The following PLD1 variants were observed in gnomAD, a reference collection of about 807,000 sequenced individuals.
PLD1 encodes phospholipase D1.
A neutral mutation model predicts 137.1 loss-of-function variants in PLD1; 112 were observed. That is an observed-to-expected ratio of 0.82 (90% CI 0.70 to 0.96). The LOEUF is 0.96. Among genes scored for constraint, PLD1 ranks in the 40% least tolerant of loss-of-function variants. The pLI, the probability that PLD1 is intolerant of heterozygous loss-of-function variation, is 0.00. For synonymous variants in PLD1, 431 were observed against 454.7 expected, an observed-to-expected ratio of 0.95 and a Z score of 0.66; for missense variants, 1,321 against 1,342.0, an observed-to-expected ratio of 0.98 and a Z score of 0.24.
chr3:171,670,053 G>A (rs930623709), intron 19 of PLD1, among the ~76,000 whole-genome samples: 3 of 152,198 alleles, frequency 2.0e-5, no homozygotes, highest in African/African-American at 7.2e-5. Flanking sequence ...TCACTCATAT[G>A]TGGAAGCTTA....
Position 171,612,347 on chromosome 3 carries a change from AG to A in PLD1, c.2813del (p.Pro938LeufsTer3). Reference sequence around the variant, plus strand: ...GGTACTCTTTTCCATCCATTACTGAAGGAACAGTCTCTGTATCTTGCACAAT... The same window carrying A: ...GGTACTCTTTTCCATCCATTACTGAAGAACAGTCTCTGTATCTTGCACAAT... ...AVIVQDTETV[P>X]SVMDGKEYQA... On this transcript the variant is annotated frameshift_variant, in exon 25 of 27. Coordinates refer to ENST00000351298, the MANE Select transcript of PLD1 (RefSeq NM_002662.5). LOFTEE classifies it high-confidence loss of function. The surrounding 1 kb of genome is among the most constrained non-coding windows in gnomAD (Gnocchi z 4.1). 6.2e-7 allele frequency: 1 copy of A among 1,613,994 alleles called. No individual in the cohort carries two copies. Among genetic ancestry groups the A allele is most frequent in the African/African-American group, 1.3e-5 (1 of 75,058 alleles).
intron 8 of PLD1, among the ~76,000 whole-genome samples, chr3:171,723,036 A>G (rs1320567623): frequency 1.3e-5 from 2 of 152,214 alleles, no homozygotes; most frequent in African/African-American, 4.8e-5. Flanking sequence ...ATTGTAAAAC[A>G]TACAATTAAA....
intron 1 of PLD1, among the ~76,000 whole-genome samples, chr3:171,791,620 G>C (rs1308145159): frequency 6.6e-6 from 1 of 152,148 alleles, no homozygotes; most frequent in African/African-American, 2.4e-5. Context: ...ACAGGAAAAA[G>C]CTGACACTTC....
At chr3:171,799,729 G>A (rs1232464705) in intron 1 of PLD1, among the ~76,000 whole-genome samples, 1 of 152,192 alleles carries the variant, frequency 6.6e-6, no homozygotes, top group South Asian at 2.1e-4. Flanking sequence ...CCAGTGATAA[G>A]TCATGCTGAT....
chr3:171,708,671 T>A, intron 11 of PLD1, 84 bp downstream of exon 11: 1 of 751,702 alleles, frequency 1.3e-6, no homozygotes, highest in Non-Finnish European at 2.4e-6. Context: ...TTTCATAATG[T>A]GTAATTCTTG....
In PLD1 at chr3:171,601,961, A is replaced by C. The variant is rs1238742291; in HGVS notation, c.*1117T>G. 1.3e-5 allele frequency: 2 copies of C among 152,372 alleles called. No homozygotes were observed. The highest frequency in any genetic ancestry group is 3.9e-4 in the East Asian group (2 of 5,190). The allele number at this position is 152,372 out of a possible 1,614,324, so 9.4% of individuals were successfully genotyped here. On this transcript the variant is annotated 3_prime_UTR_variant, in exon 27 of 27. Transcript: ENST00000351298. ...GGCGTTAATACATATTTAATAATGT[A>C]AGTGAAGTAGCACATATTTTATAAT... is the stretch of plus-strand genomic sequence containing the variant.
In PLD1 at chr3:171,642,858, C is replaced by A. The variant is rs1025544512; in HGVS notation, c.2575G>T (p.Gly859Ter). Residue 859 changes from glycine (G) to a stop codon, truncating the protein, a stop_gained, in exon 23 of 27, where the codon GGA becomes TGA. Transcript: ENST00000351298. LOFTEE classifies it high-confidence loss of function. ...TACTTACGCTCTGCTTTTAACTGTC[C>A]AAGGATGGAATTTTCTCCTCTGCAC... ...TMCRGENSIL[G>*]QLKAELGNQW... 1.3e-6 allele frequency: 2 copies of A among 1,587,776 alleles called. No homozygotes were observed. The highest frequency in any genetic ancestry group is 2.7e-5 in the African/African-American group (2 of 73,566).
intron 23 of PLD1, among the ~76,000 whole-genome samples, chr3:171,639,289 CTA>C (rs1209171781): frequency 7.6e-6 from 1 of 132,444 alleles, no homozygotes; most frequent in Non-Finnish European, 1.6e-5. Context: ...CATATATTAT[CTA>C]TATATAAATA....
chr3:171,641,798 C>T (rs1735767608), intron 23 of PLD1, among the ~76,000 whole-genome samples: 1 of 152,142 alleles, frequency 6.6e-6, no homozygotes, highest in African/African-American at 2.4e-5. Flanking sequence ...CCATCTCTAC[C>T]CTGTTTACCA....
chr3:171,687,138 T>C (rs1357883236), intron 15 of PLD1, among the ~76,000 whole-genome samples: 1 of 152,224 alleles, frequency 6.6e-6, no homozygotes, highest in African/African-American at 2.4e-5. Context: ...CCATTAGAAG[T>C]GGTAATCGTG....
chr3:171,626,820 C>G (rs977889066), intron 23 of PLD1, among the ~76,000 whole-genome samples: 4 of 152,160 alleles, frequency 2.6e-5, no homozygotes, highest in Non-Finnish European at 5.9e-5. Flanking sequence ...TTTGTCACCT[C>G]CAGGCCTGCC....
chr3:171,730,722 TC>T (rs1276137062), intron 6 of PLD1, among the ~76,000 whole-genome samples: 2 of 150,742 alleles, frequency 1.3e-5, no homozygotes, highest in Non-Finnish European at 2.9e-5. Flanking sequence ...CGCTGCAACC[TC>T]CGCCTCCCGG....
At chr3:171,659,759 C>T (rs191667464) in intron 20 of PLD1, among the ~76,000 whole-genome samples, 26 of 152,268 alleles carry the variant, frequency 1.7e-4, no homozygotes, top group African/African-American at 6.3e-4. Flanking sequence ...GTTTTCTCCA[C>T]CCTTTCTCCA....
rs1219701049 is a variant in PLD1, at chr3:171,601,445, T to C, written c.*1633A>G. 6.6e-6 allele frequency: 1 copy of C among 151,966 alleles called. No homozygotes were observed. The highest frequency in any genetic ancestry group is 2.4e-5 in the African/African-American group (1 of 41,214). The allele number at this position is 151,966 out of a possible 1,614,324, so 9.4% of individuals were successfully genotyped here. A position where few individuals can be genotyped will look rare whatever the true frequency, so the allele number is the denominator to read the frequency against. The stretch of plus-strand genomic sequence containing the variant: ...ATTCTTATTTACAATGGCTATAGAA[T>C]GAAGTCATTTTACCATCTTTAGCCA... On this transcript the variant is annotated 3_prime_UTR_variant, in exon 27 of 27. Coordinates refer to ENST00000351298, the MANE Select transcript of PLD1 (RefSeq NM_002662.5).
chr3:171,790,813 G>A (rs1209455754), intron 1 of PLD1, among the ~76,000 whole-genome samples: 5 of 152,146 alleles, frequency 3.3e-5, no homozygotes, highest in Non-Finnish European at 5.9e-5. Context: ...AGCTCCCAAC[G>A]GACTACTTCT....
chr3:171,602,643 A>G lies in PLD1; in HGVS notation c.*435T>C. On this transcript the variant is annotated 3_prime_UTR_variant, in exon 27 of 27. Coordinates refer to ENST00000351298, the MANE Select transcript of PLD1 (RefSeq NM_002662.5). Reference sequence around the variant, plus strand: ...AACATCTAATAATAAACAATCTCTCAAACAGTGCCTGTATGAACTGCAAGA... The same window carrying G: ...AACATCTAATAATAAACAATCTCTCGAACAGTGCCTGTATGAACTGCAAGA... 5.5e-6 allele frequency: 1 copy of G among 181,206 alleles called. No individual in the cohort carries two copies. 11.2% of individuals were successfully genotyped at this position (181,206 alleles called of 1,614,324 possible).
At chr3:171,639,844 CTCTCTA>C (rs1229210581) in intron 23 of PLD1, among the ~76,000 whole-genome samples, 2 of 113,504 alleles carry the variant, frequency 1.8e-5, no homozygotes, top group Non-Finnish European at 3.5e-5. Flanking sequence ...CTCTCTCTCT[CTCTCTA>C]TATATATATA....
chr3:171,784,797 T>C (rs1456066154), intron 1 of PLD1, among the ~76,000 whole-genome samples: 1 of 152,198 alleles, frequency 6.6e-6, no homozygotes, highest in Admixed American at 6.5e-5. Context: ...TTGTATCTGG[T>C]ATCATAGCTA....
chr3:171,674,594 C>T lies in PLD1; in HGVS notation c.2135G>A (p.Arg712Gln), dbSNP rs779019688. The T allele has an allele frequency of 1.6e-5, 26 of 1,580,782 alleles. No individual in the cohort carries two copies. The highest frequency in any genetic ancestry group is 5.1e-5 in the Admixed American group (3 of 59,346). Residue 712 changes from arginine to glutamine, a missense_variant, in exon 19 of 27, where the codon CGG becomes CAG. Arg to Gln is a conservative substitution (Grantham distance 43). Transcript: ENST00000351298. ...NFTKIMKSKY[R>Q]SLSYPFLLPK... ...AAGCAGAAAAGGATAAGAAAGGGAC[C>T]GATATTTTGATTTCATAATCTAAAA...
Sources: allele counts gnomAD v4.1 joint callset (sites outside exome capture counted in the v4.1 genomes callset), GRCh38; gene constraint gnomAD v4.1.1; non-coding constraint Gnocchi (gnomAD v3.1); transcripts MANE v1.5; gene names NCBI Gene and HGNC (gene_info 2026-07-23, HGNC 2026-07-21).